Variants in SLF2 observed in about 807,000 individuals in gnomAD.
The protein encoded by SLF2 is SMC5-SMC6 complex localization factor protein 2.
SLF2 carries 68 observed loss-of-function variants against 124.3 expected under a neutral mutation model. That is an observed-to-expected ratio of 0.55 (90% CI 0.45 to 0.67). The LOEUF (loss-of-function observed/expected upper bound fraction) is 0.67, where lower values mean the gene tolerates loss of function less well. Ranked by LOEUF, SLF2 falls within the 30% of genes least tolerant of loss-of-function variation. The probability of loss-of-function intolerance (pLI) is 0.00; values close to 1 mark genes in which losing one functional copy is unlikely to be tolerated. For missense variants in SLF2, 1,246 were observed against 1,373.7 expected (o/e 0.91, Z 1.47); for synonymous variants, 480 against 478.8 (o/e 1.00, Z -0.03).
At chr10:100,940,815 C>CTT (rs1849960699) in intron 11 of SLF2, among the ~76,000 whole-genome samples, 1 of 106,184 alleles carries the variant, frequency 9.4e-6, no homozygotes, top group East Asian at 2.4e-4. Flanking sequence ...CTGCCCCTGC[C>CTT]CCTTCTCCTT....
chr10:100,950,636 G>A (rs1850193490), intron 16 of SLF2, 40 bp from the exon 17 acceptor site: 2 of 1,503,638 alleles, frequency 1.3e-6, no homozygotes, highest in Non-Finnish European at 1.8e-6. Flanking sequence ...ATCTATGCTA[G>A]CTAATTCATA....
At chr10:100,946,213 G>A (rs1027672985) in intron 13 of SLF2, among the ~76,000 whole-genome samples, 26 of 151,744 alleles carry the variant, frequency 1.7e-4, no homozygotes, top group African/African-American at 6.3e-4. Flanking sequence ...CTTGCCTAAT[G>A]TAAAACCGAC....
chr10:100,916,739 T>G lies in SLF2; in HGVS notation c.354T>G (p.Gly118=). ...CTATTATAGAAGCTTTCATGAAAGG[T>G]GTTAAAGAGCACCATGAAGATCATG... The part of the protein sequence containing the change: ...KSPIIEAFMK[G]VKEHHEDHGI... Residue 118 remains glycine, a synonymous_variant, in exon 3 of 20, where the codon GGT becomes GGG. Coordinates refer to ENST00000238961, the MANE Select transcript of SLF2 (RefSeq NM_018121.4). The G allele has an allele frequency of 6.3e-7, 1 of 1,591,504 alleles. No individual in the cohort carries two copies. The highest frequency in any genetic ancestry group is 1.4e-5 in the African/African-American group (1 of 73,452).
At position 100,959,411 on chromosome 10, in the gene SLF2, T is replaced by G; in HGVS notation, c.3418-17T>G. The G allele has an allele frequency of 1.3e-6, 2 of 1,598,060 alleles. No individual in the cohort carries two copies. The highest frequency in any genetic ancestry group is 1.7e-6 in the Non-Finnish European group (2 of 1,174,528). ...TGTTTTAATCTGATCCCTTTTCCTG[T>G]TTTTGATATTTTTAAGGTGAAAGAC... On this transcript the variant is annotated splice_polypyrimidine_tract_variant and intron_variant, in intron 18 of 19. Coordinates refer to ENST00000238961, the MANE Select transcript of SLF2 (RefSeq NM_018121.4).
intron 11 of SLF2, among the ~76,000 whole-genome samples, chr10:100,943,443 A>C (rs985046806): frequency 1.3e-5 from 2 of 152,212 alleles, no homozygotes; most frequent in African/African-American, 4.8e-5. Flanking sequence ...ATATATTTTG[A>C]TTTTTTAAAA....
chr10:100,917,174 C>A lies in SLF2; in HGVS notation c.789C>A (p.Ser263=). The change falls in exon 3 of 20, where the codon TCC becomes TCA. Residue 263 remains serine (S), a synonymous_variant. Transcript: ENST00000238961. ...AGCAAATGGAGCAGAGAATCAACTCCGAGAATTCTTTCTCAGAAGCAAGCA... is the reference window on the plus strand; with the variant it reads ...AGCAAATGGAGCAGAGAATCAACTCAGAGAATTCTTTCTCAGAAGCAAGCA... ...RKEQMEQRIN[S]ENSFSEASSL... The A allele has an allele frequency of 2.5e-6, 4 of 1,613,746 alleles. No individual in the cohort carries two copies. The highest frequency in any genetic ancestry group is 1.1e-5 in the South Asian group (1 of 91,038).
At chr10:100,936,262 G>A (rs535702294) in intron 9 of SLF2, among the ~76,000 whole-genome samples, 38 of 151,486 alleles carry the variant, frequency 2.5e-4, no homozygotes, top group African/African-American at 9.0e-4. Context: ...ATAATACTAG[G>A]GTATTATCGA....
intron 19 of SLF2, among the ~76,000 whole-genome samples, chr10:100,961,032 C>T (rs1356171272): frequency 5.0e-5 from 3 of 60,166 alleles, no homozygotes; most frequent in East Asian, 4.6e-4. Flanking sequence ...TTTTTTGAGA[C>T]GGAGTCTTGC....
At chr10:100,928,352 C>T (rs1397350939) in intron 6 of SLF2, among the ~76,000 whole-genome samples, 1 of 151,830 alleles carries the variant, frequency 6.6e-6, no homozygotes, top group Non-Finnish European at 1.5e-5. Flanking sequence ...CAAAAGCTTC[C>T]CCCTTTCTGA....
chr10:100,921,411 C>T (rs965569916), intron 4 of SLF2, among the ~76,000 whole-genome samples: 1 of 152,088 alleles, frequency 6.6e-6, no homozygotes, highest in Non-Finnish European at 1.5e-5. Context: ...AACTCAATCT[C>T]TCTCTTATAT....
intron 5 of SLF2, 86 bp downstream of exon 5, chr10:100,925,058 A>G (rs1849590419): frequency 2.3e-6 from 3 of 1,321,172 alleles, no homozygotes; most frequent in African/African-American, 1.5e-5. Flanking sequence ...AACTTACTTT[A>G]AAATTTAGTA....
chr10:100,947,329 ATT>A (rs879901254), intron 14 of SLF2, among the ~76,000 whole-genome samples, 193 bp downstream of exon 14: 3 of 144,590 alleles, frequency 2.1e-5, no homozygotes, highest in Non-Finnish European at 1.5e-5. Flanking sequence ...TCATTATGTA[ATT>A]TTTTTTTTTT....
chr10:100,940,805 C>G (rs1849960040), intron 11 of SLF2, among the ~76,000 whole-genome samples: 1 of 105,654 alleles, frequency 9.5e-6, no homozygotes, highest in African/African-American at 3.0e-5. Context: ...GCCCCTCCCC[C>G]TGCCCCTGCC....
chr10:100,927,507 T>G (rs1849636945), intron 6 of SLF2, among the ~76,000 whole-genome samples: 2 of 152,356 alleles, frequency 1.3e-5, no homozygotes, highest in South Asian at 2.1e-4. Flanking sequence ...ACCTTTGGAT[T>G]GCTTCCACTT....
chr10:100,950,924 G>T (rs1466706406), intron 17 of SLF2, among the ~76,000 whole-genome samples, 171 bp downstream of exon 17: 1 of 152,034 alleles, frequency 6.6e-6, no homozygotes, highest in Non-Finnish European at 1.5e-5. Flanking sequence ...GCATGATAAT[G>T]GTCTTGTAAC....
intron 17 of SLF2, among the ~76,000 whole-genome samples, chr10:100,954,022 C>T (rs937541787): frequency 2.0e-5 from 3 of 151,650 alleles, no homozygotes; most frequent in African/African-American, 4.8e-5. Context: ...TTTGGTAGGC[C>T]GAGGCATGCA....
chr10:100,928,065 A>ACG (rs1849651135), intron 6 of SLF2, among the ~76,000 whole-genome samples: 1 of 73,132 alleles, frequency 1.4e-5, no homozygotes, highest in Non-Finnish European at 3.0e-5. Context: ...ACACACACAC[A>ACG]CACGAGAGAG....
chr10:100,925,294 T>C (rs1237322099), intron 5 of SLF2, among the ~76,000 whole-genome samples: 1 of 152,152 alleles, frequency 6.6e-6, no homozygotes. Flanking sequence ...AAAAACAGAA[T>C]TTAAAAGGAA....
intron 7 of SLF2, 79 bp downstream of exon 7, chr10:100,929,518 C>T: frequency 8.2e-7 from 1 of 1,225,858 alleles, no homozygotes; most frequent in Non-Finnish European, 1.1e-6. Context: ...AATAAATGGG[C>T]CATTGATGGC....
Sources: gnomAD v4.1 joint callset for allele counts (sites outside exome capture counted in the v4.1 genomes callset) on GRCh38, gnomAD v4.1.1 for gene constraint, MANE v1.5 for transcripts, NCBI Gene and HGNC (gene_info 2026-07-23, HGNC 2026-07-21) for gene names.